ARHGEF3: variants seen among roughly 807,000 people sequenced by gnomAD.
ARHGEF3 encodes the protein 59.8 kDA protein.
ARHGEF3 carries 28 observed loss-of-function variants against 63.2 expected under a neutral mutation model. The ratio of observed to expected loss-of-function variants is 0.44; its 90% CI spans 0.33 to 0.61. The LOEUF is 0.61. Among genes scored for constraint, ARHGEF3 ranks in the 20% least tolerant of loss-of-function variants. The pLI is 0.03. For synonymous variants in ARHGEF3, 266 were observed against 254.2 expected, an observed-to-expected ratio of 1.05 and a Z score of -0.44; for missense variants, 533 against 659.3, an observed-to-expected ratio of 0.81 and a Z score of 2.10.
At chr3:57,028,285 A>G (rs1289722972) in intron 2 of ARHGEF3, among the ~76,000 whole-genome samples, 5 of 98,808 alleles carry the variant, frequency 5.1e-5, no homozygotes, top group African/African-American at 1.6e-4. Context: ...AAGACTTGGA[A>G]CCAACCCAAA....
intron 4 of ARHGEF3, among the ~76,000 whole-genome samples, chr3:56,865,894 T>G (rs2040234194): frequency 6.6e-6 from 1 of 152,206 alleles, no homozygotes; most frequent in African/African-American, 2.4e-5. Flanking sequence ...GCTATGGTAT[T>G]TTGTTATAGC....
intron 1 of ARHGEF3, among the ~76,000 whole-genome samples, chr3:57,036,367 G>C (rs187931113): frequency 6.6e-6 from 1 of 152,186 alleles, no homozygotes; most frequent in Non-Finnish European, 1.5e-5. Context: ...ATTCAAGCAG[G>C]TGTGCTTAGG....
intron 6 of ARHGEF3, among the ~76,000 whole-genome samples, chr3:56,750,205 G>A (rs2034644365): frequency 6.6e-6 from 1 of 152,166 alleles, no homozygotes; most frequent in African/African-American, 2.4e-5. Context: ...CCTGGAACTG[G>A]GGTGGACCAT....
At chr3:56,913,645 T>C (rs2041912546) in intron 3 of ARHGEF3, among the ~76,000 whole-genome samples, 1 of 152,168 alleles carries the variant, frequency 6.6e-6, no homozygotes, top group Admixed American at 6.5e-5. Flanking sequence ...TTCTAGCAAT[T>C]CTACTTCTGG....
chr3:56,830,354 A>G (rs973536910), intron 4 of ARHGEF3, among the ~76,000 whole-genome samples: 2 of 152,038 alleles, frequency 1.3e-5, no homozygotes, highest in African/African-American at 4.8e-5. Flanking sequence ...ACATATTACC[A>G]CATTTCATGC....
chr3:56,744,081 C>G (rs1037790980), intron 7 of ARHGEF3, among the ~76,000 whole-genome samples: 3 of 152,176 alleles, frequency 2.0e-5, no homozygotes, highest in African/African-American at 7.2e-5. Context: ...ATAACCAGAT[C>G]TGAACCCACA....
chr3:56,857,819 C>T (rs149927230), intron 4 of ARHGEF3, among the ~76,000 whole-genome samples: 8 of 152,216 alleles, frequency 5.3e-5, no homozygotes, highest in South Asian at 2.1e-4. Context: ...CAGGCACAAT[C>T]GTAGCACACT....
chr3:56,878,374 C>T (rs1256067752), intron 4 of ARHGEF3, among the ~76,000 whole-genome samples: 1 of 152,094 alleles, frequency 6.6e-6, no homozygotes, highest in Non-Finnish European at 1.5e-5. Flanking sequence ...TTTTATTTTC[C>T]CTCAGAAATA....
rs1553794065 is a variant in ARHGEF3 at position 56,967,863 on chromosome 3, C to CATATT, written c.63-8975_63-8974insAATAT. Among the ~76,000 whole-genome samples, 99 of 71,016 alleles carry CATATT rather than the reference C, an allele frequency of 1.4e-3. 1 individual carries two copies. In the East Asian group the frequency reaches 0.034, roughly 25 times the overall value. The allele number at this position is 71,016 out of a possible 152,430, so 46.6% of individuals were successfully genotyped here. ...TATATTATTATATAATATATAATGACATATATAATATATAATATAAATATA... is the reference window on the plus strand; with the variant it reads ...TATATTATTATATAATATATAATGACATATTATATATAATATATAATATAAATATA... On this transcript the variant is annotated intron_variant, in intron 2 of 12. Coordinates refer to the ARHGEF3 transcript ENST00000338458.
intron 4 of ARHGEF3, among the ~76,000 whole-genome samples, chr3:56,851,820 G>A (rs944837138): frequency 2.6e-5 from 4 of 151,134 alleles, no homozygotes; most frequent in African/African-American, 4.9e-5. Flanking sequence ...TGTTGCCCAG[G>A]CTGGTCTTGA....
intron 2 of ARHGEF3, among the ~76,000 whole-genome samples, chr3:57,017,221 G>T (rs2107144464): frequency 6.6e-6 from 1 of 152,254 alleles, no homozygotes; most frequent in South Asian, 2.1e-4. Context: ...TATGCGTGGA[G>T]TTGGCAAATT....
chr3:57,036,861 C>G (rs1407452511), intron 1 of ARHGEF3, among the ~76,000 whole-genome samples: 6 of 152,202 alleles, frequency 3.9e-5, no homozygotes, highest in African/African-American at 1.4e-4. Context: ...GGCCATATCT[C>G]CAGCACAGCC....
chr3:56,821,742 T>C (rs1327503185), intron 4 of ARHGEF3, among the ~76,000 whole-genome samples: 1 of 152,126 alleles, frequency 6.6e-6, no homozygotes, highest in African/African-American at 2.4e-5. Context: ...GGTGGGTGGA[T>C]CACCTGAGGT....
In ARHGEF3 at chr3:57,001,915, G is replaced by GTTTTTTTTTTTTTTTTTTTTTTTTTTTT. The variant is rs1410825594; in HGVS notation, c.62+33172_62+33173insAAAAAAAAAAAAAAAAAAAAAAAAAAAA. 7.4e-5 allele frequency among the ~76,000 whole-genome samples: 4 copies of GTTTTTTTTTTTTTTTTTTTTTTTTTTTT among 53,718 alleles called. 2 individuals are homozygous for GTTTTTTTTTTTTTTTTTTTTTTTTTTTT. 35.2% of individuals were successfully genotyped at this position (53,718 alleles called of 152,430 possible). A position where few individuals can be genotyped will look rare whatever the true frequency, so the allele number is the denominator to read the frequency against. ...AAATCCTAAAACCCAAAGTGAGATA[G>GTTTTTTTTTTTTTTTTTTTTTTTTTTTT]TTTTTTTTTTTTTTGTTTTTTGTTT... On this transcript the variant is annotated intron_variant, in intron 2 of 12. Coordinates refer to the ARHGEF3 transcript ENST00000338458.
chr3:56,940,981 G>A (rs1699151323), intron 3 of ARHGEF3: 1 of 152,188 alleles, frequency 6.6e-6, no homozygotes, highest in African/African-American at 2.4e-5. Context: ...CTAAGCATTT[G>A]TTATGGCTGC....
intron 4 of ARHGEF3, among the ~76,000 whole-genome samples, chr3:56,841,582 G>A (rs997943224): frequency 6.6e-5 from 10 of 152,098 alleles, no homozygotes; most frequent in South Asian, 2.1e-4. Context: ...AGCACCCACA[G>A]TCTGATGTTT....
At chr3:57,015,928 T>C (rs1702978328) in intron 2 of ARHGEF3, among the ~76,000 whole-genome samples, 1 of 152,080 alleles carries the variant, frequency 6.6e-6, no homozygotes, top group Non-Finnish European at 1.5e-5. Context: ...AATGATGAAC[T>C]CTTGGATCTC....
At chr3:56,904,531 C>T (rs952494074) in intron 3 of ARHGEF3, among the ~76,000 whole-genome samples, 1 of 152,082 alleles carries the variant, frequency 6.6e-6, no homozygotes, top group African/African-American at 2.4e-5. Flanking sequence ...AATCTAATTA[C>T]CATATTTTAA....
intron 2 of ARHGEF3, among the ~76,000 whole-genome samples, chr3:56,967,881 TA>T (rs1310790225): frequency 3.2e-5 from 2 of 61,604 alleles, no homozygotes; most frequent in African/African-American, 1.3e-4. Context: ...ATATATAATA[TA>T]AATATATAAT....
Sources: gnomAD v4.1 joint callset for allele counts (sites outside exome capture counted in the v4.1 genomes callset) on GRCh38, gnomAD v4.1.1 for gene constraint, MANE v1.5 for transcripts, NCBI Gene and HGNC (gene_info 2026-07-23, HGNC 2026-07-21) for gene names.